The following MARCHF1 variants were observed in gnomAD, a reference collection of about 807,000 sequenced individuals.
The protein encoded by MARCHF1 is membrane associated ring-CH-type finger 1.
MARCHF1 carries 40 observed loss-of-function variants against 54.2 expected under a neutral mutation model. That is an observed-to-expected ratio of 0.74 (90% CI 0.57 to 0.96). The LOEUF (loss-of-function observed/expected upper bound fraction) is 0.96, where lower values mean the gene tolerates loss of function less well. MARCHF1 is among the 40% of genes least tolerant of loss of function. The pLI is 0.00. For missense variants in MARCHF1, 586 were observed against 656.5 expected (o/e 0.89, Z 1.17); for synonymous variants, 236 against 236.3 (o/e 1.00, Z 0.01).
chr4:164,374,546 T>C (rs1342461311), intron 1 of MARCHF1, among the ~76,000 whole-genome samples: 23 of 152,268 alleles, frequency 1.5e-4, no homozygotes, highest in African/African-American at 4.6e-4. Context: ...CTTATCCTCA[T>C]AACAAAAGCT....
chr4:164,356,008 T>G lies in MARCHF1; in HGVS notation c.-323+27862A>C, dbSNP rs549875289. Among the ~76,000 whole-genome samples the G allele has an allele frequency of 4.0e-3, 509 of 128,670 alleles. 24 individuals carry two copies. The highest frequency in any genetic ancestry group is 0.013 in the African/African-American group (487 of 37,254). 84.4% of individuals were successfully genotyped at this position (128,670 alleles called of 152,430 possible). Reference sequence around the variant, plus strand: ...GACATTTATGCAGCCAAAAAACACATGAAAAAATGCTCACCATCACTGGCC... The same window carrying G: ...GACATTTATGCAGCCAAAAAACACAGGAAAAAATGCTCACCATCACTGGCC... On this transcript the variant is annotated intron_variant, in intron 1 of 9. Coordinates refer to ENST00000514618, the MANE Select transcript of MARCHF1 (RefSeq NM_001394959.1).
chr4:163,736,806 T>G (rs556755334), intron 4 of MARCHF1, among the ~76,000 whole-genome samples: 1 of 152,284 alleles, frequency 6.6e-6, no homozygotes, highest in Admixed American at 6.5e-5. Flanking sequence ...AGTCAACAGA[T>G]AGTTATTTTA....
At chr4:163,570,260 G>A (rs1408076377) in intron 8 of MARCHF1, among the ~76,000 whole-genome samples, 2 of 152,034 alleles carry the variant, frequency 1.3e-5, no homozygotes, top group Non-Finnish European at 2.9e-5. Context: ...TGGATTCAAT[G>A]CTAAATACTG....
intron 3 of MARCHF1, among the ~76,000 whole-genome samples, chr4:163,931,502 A>C (rs558721022): frequency 2.0e-4 from 30 of 152,240 alleles, no homozygotes; most frequent in African/African-American, 7.2e-4. Context: ...CACCACGAGA[A>C]GTTACACTGA....
At chr4:163,830,223 G>A (rs984255323) in intron 4 of MARCHF1, among the ~76,000 whole-genome samples, 11 of 151,202 alleles carry the variant, frequency 7.3e-5, no homozygotes, top group Admixed American at 3.3e-4. Flanking sequence ...GATTTCCTAG[G>A]AATATTTCAT....
chr4:164,122,409 C>G (rs921062359), intron 1 of MARCHF1, among the ~76,000 whole-genome samples: 1 of 152,098 alleles, frequency 6.6e-6, no homozygotes, highest in African/African-American at 2.4e-5. Flanking sequence ...GCGGCTCCAT[C>G]TTTCCTTCTC....
At chr4:163,804,848 T>C (rs1204481445) in intron 4 of MARCHF1, among the ~76,000 whole-genome samples, 1 of 152,166 alleles carries the variant, frequency 6.6e-6, no homozygotes, top group Non-Finnish European at 1.5e-5. Flanking sequence ...CTGTCTTCAT[T>C]TGCACCCACA....
In MARCHF1 at chr4:163,649,287, A is replaced by AT. The variant is rs555301219; in HGVS notation, c.163-35895dup. Among the ~76,000 whole-genome samples the AT allele has an allele frequency of 1.2e-3, 184 of 152,148 alleles. 1 individual carries two copies. Among genetic ancestry groups the AT allele is most frequent in the African/African-American group, 4.3e-3 (178 of 41,558 alleles). On this transcript the variant is annotated intron_variant, in intron 5 of 9. Transcript: ENST00000514618. ...TACAAAAAGGACATTTTCCTGGAGT[A>AT]TTTTTGGAATCTAGCTACTCTAAGT...
intron 1 of MARCHF1, among the ~76,000 whole-genome samples, chr4:164,195,316 C>T (rs1436471544): frequency 6.6e-6 from 1 of 151,958 alleles, no homozygotes; most frequent in East Asian, 1.9e-4. Flanking sequence ...CACGTAAGAT[C>T]TCAGAATTCT....
At chr4:163,592,415 G>A (rs1164509988) in intron 7 of MARCHF1, among the ~76,000 whole-genome samples, 2 of 152,118 alleles carry the variant, frequency 1.3e-5, no homozygotes, top group East Asian at 1.9e-4. Context: ...GCACAGAGCT[G>A]TAGGGAATGA....
chr4:164,144,032 TA>T (rs1320373574), intron 1 of MARCHF1, among the ~76,000 whole-genome samples: 2 of 152,116 alleles, frequency 1.3e-5, no homozygotes, highest in Non-Finnish European at 2.9e-5. Flanking sequence ...TAGTCTCTGA[TA>T]AAACAGGCTT....
intron 1 of MARCHF1, among the ~76,000 whole-genome samples, chr4:164,235,117 T>C (rs1223863591): frequency 6.6e-6 from 1 of 152,094 alleles, no homozygotes; most frequent in East Asian, 1.9e-4. Flanking sequence ...GCCTCTTCTT[T>C]CTTTCTACCA....
At chr4:164,245,091 C>T (rs1241034833) in intron 1 of MARCHF1, among the ~76,000 whole-genome samples, 1 of 152,158 alleles carries the variant, frequency 6.6e-6, no homozygotes, top group African/African-American at 2.4e-5. Flanking sequence ...AGAGGGAACC[C>T]TCCCTAACTC....
intron 1 of MARCHF1, among the ~76,000 whole-genome samples, chr4:164,318,376 C>A (rs1484868118): frequency 6.6e-6 from 1 of 152,134 alleles, no homozygotes; most frequent in Non-Finnish European, 1.5e-5. Context: ...GATTTGGAAT[C>A]AATTCTCCCT....
intron 8 of MARCHF1, among the ~76,000 whole-genome samples, chr4:163,559,091 G>A (rs1015419733): frequency 6.6e-6 from 1 of 151,834 alleles, no homozygotes; most frequent in African/African-American, 2.4e-5. Flanking sequence ...TAGCCCTATA[G>A]CCCCCTTCCC....
intron 7 of MARCHF1, among the ~76,000 whole-genome samples, chr4:163,586,380 C>T (rs577053080): frequency 6.6e-6 from 1 of 152,168 alleles, no homozygotes; most frequent in East Asian, 1.9e-4. Context: ...AAAAAAAAGT[C>T]CCCAATCCAA....
intron 3 of MARCHF1, among the ~76,000 whole-genome samples, chr4:163,968,233 G>A (rs528396707): frequency 9.6e-6 from 1 of 104,390 alleles, no homozygotes; most frequent in East Asian, 2.9e-4. Context: ...GACCCTATTT[G>A]CTATACTAAA....
At chr4:164,089,742 G>A (rs1755261971) in intron 2 of MARCHF1, among the ~76,000 whole-genome samples, 1 of 151,854 alleles carries the variant, frequency 6.6e-6, no homozygotes, top group Non-Finnish European at 1.5e-5. Flanking sequence ...AATAATAATT[G>A]TGAAAGGGCT....
intron 2 of MARCHF1, among the ~76,000 whole-genome samples, chr4:164,100,245 T>A (rs376105778): frequency 6.6e-6 from 1 of 152,216 alleles, no homozygotes; most frequent in Admixed American, 6.5e-5. Context: ...ATAAATCTAT[T>A]TAGAAACCAC....
Sources: gnomAD v4.1 joint callset for allele counts (sites outside exome capture counted in the v4.1 genomes callset) on GRCh38, gnomAD v4.1.1 for gene constraint, MANE v1.5 for transcripts, NCBI Gene and HGNC (gene_info 2026-07-23, HGNC 2026-07-21) for gene names.